Variants in KCND2 observed in about 807,000 individuals in gnomAD.
The protein encoded by KCND2 is A-type voltage-gated potassium channel KCND2.
A neutral mutation model predicts 54.4 loss-of-function variants in KCND2; 16 were observed. That is an observed-to-expected ratio of 0.29 (90% CI 0.20 to 0.45). The LOEUF (loss-of-function observed/expected upper bound fraction) is 0.45, where lower values mean the gene tolerates loss of function less well. Ranked by LOEUF, KCND2 falls within the 20% of genes least tolerant of loss-of-function variation. KCND2 has a pLI of 1.00. For missense variants in KCND2, 486 were observed against 824.2 expected (o/e 0.59, Z 5.02); for synonymous variants, 317 against 310.7 (o/e 1.02, Z -0.21).
intron 1 of KCND2, among the ~76,000 whole-genome samples, chr7:120,518,985 C>G (rs1411585322): frequency 1.3e-5 from 2 of 151,984 alleles, no homozygotes; most frequent in African/African-American, 4.8e-5. Context: ...ATACGGAGGC[C>G]TAGACATGTT....
intron 1 of KCND2, among the ~76,000 whole-genome samples, chr7:120,439,219 G>T (rs956246756): frequency 2.0e-5 from 3 of 151,682 alleles, no homozygotes; most frequent in African/African-American, 7.3e-5. Flanking sequence ...AATTTTTTTA[G>T]GCTCTAGAGC....
chr7:120,449,541 A>C (rs1460502112), intron 1 of KCND2, among the ~76,000 whole-genome samples: 2 of 152,190 alleles, frequency 1.3e-5, no homozygotes, highest in Non-Finnish European at 2.9e-5. Flanking sequence ...GTTTATTAGG[A>C]GAGAAACATT....
intron 1 of KCND2, among the ~76,000 whole-genome samples, chr7:120,641,065 G>T (rs1182860699): frequency 6.6e-6 from 1 of 152,210 alleles, no homozygotes; most frequent in Non-Finnish European, 1.5e-5. Flanking sequence ...GAAGACGAGA[G>T]AGAGCTGAGG....
chr7:120,386,392 C>A (rs1800988248), intron 1 of KCND2, among the ~76,000 whole-genome samples: 1 of 152,054 alleles, frequency 6.6e-6, no homozygotes, highest in Admixed American at 6.6e-5. Context: ...GCCTCTTCCC[C>A]CTCAATGGTG....
chr7:120,535,066 A>T (rs1362952250), intron 1 of KCND2, among the ~76,000 whole-genome samples: 1 of 152,268 alleles, frequency 6.6e-6, no homozygotes, highest in African/African-American at 2.4e-5. Context: ...AATAAGAGGG[A>T]AAGTGGATGA....
In KCND2 at chr7:120,742,616, A is replaced by ACGG; in HGVS notation, c.1467+14_1467+15insCGG. On this transcript the variant is annotated intron_variant, in intron 4 of 5. Transcript: ENST00000331113. ...GAAAAAACCACGGTAAGGAGACAGCATGACTGCCTTCCCTTGCTCTCTGAC... is the reference window on the plus strand; with the variant it reads ...GAAAAAACCACGGTAAGGAGACAGCACGGTGACTGCCTTCCCTTGCTCTCTGAC... The ACGG allele has an allele frequency of 1.3e-6, 2 of 1,594,160 alleles. No homozygotes were observed. Among genetic ancestry groups the ACGG allele is most frequent in the East Asian group, 4.5e-5 (2 of 44,710 alleles).
At chr7:120,554,186 G>C (rs973624416) in intron 1 of KCND2, among the ~76,000 whole-genome samples, 1 of 152,136 alleles carries the variant, frequency 6.6e-6, no homozygotes, top group African/African-American at 2.4e-5. Flanking sequence ...AACTCACATA[G>C]TAGTTAAGAA....
intron 1 of KCND2, among the ~76,000 whole-genome samples, chr7:120,310,214 T>C (rs1420273994): frequency 6.6e-6 from 1 of 152,166 alleles, no homozygotes; most frequent in Admixed American, 6.5e-5. Context: ...TTTAAAAATA[T>C]GTAAATAAAG....
At chr7:120,469,735 C>T (rs1277872044) in intron 1 of KCND2, among the ~76,000 whole-genome samples, 1 of 152,094 alleles carries the variant, frequency 6.6e-6, no homozygotes, top group Non-Finnish European at 1.5e-5. Flanking sequence ...CCCATCTTCC[C>T]TGTTAGACCA....
chr7:120,281,417 G>A (rs144414886), intron 1 of KCND2, among the ~76,000 whole-genome samples: 1,170 of 79,036 alleles, frequency 0.015, 20 homozygotes, highest in African/African-American at 0.042. Flanking sequence ...GTGGGATAGC[G>A]TCTGATATTG....
intron 1 of KCND2, among the ~76,000 whole-genome samples, chr7:120,325,433 T>G (rs1440898541): frequency 1.3e-4 from 20 of 150,958 alleles, no homozygotes; most frequent in Admixed American, 2.0e-4. Flanking sequence ...TATTGGCTGT[T>G]GGTTTGTCAT....
intron 2 of KCND2, among the ~76,000 whole-genome samples, chr7:120,733,858 A>G (rs79515707): frequency 0.039 from 5,998 of 152,242 alleles, 153 homozygotes; most frequent in Non-Finnish European, 0.048. Context: ...ATATACAAGT[A>G]TATGTAAATT....
At chr7:120,553,634 T>G (rs1792127798) in intron 1 of KCND2, among the ~76,000 whole-genome samples, 1 of 152,234 alleles carries the variant, frequency 6.6e-6, no homozygotes, top group Non-Finnish European at 1.5e-5. Flanking sequence ...TGATAAATTA[T>G]CATCTCCATC....
chr7:120,712,130 CTT>C (rs11296028), intron 1 of KCND2, among the ~76,000 whole-genome samples: 83 of 120,276 alleles, frequency 6.9e-4, no homozygotes, highest in African/African-American at 2.1e-3. Flanking sequence ...AATAAGAAAG[CTT>C]TTTTTTTTTT....
At chr7:120,399,524 G>T (rs1236196585) in intron 1 of KCND2, among the ~76,000 whole-genome samples, 1 of 151,816 alleles carries the variant, frequency 6.6e-6, no homozygotes, top group Non-Finnish European at 1.5e-5. Context: ...ATAGTATTGT[G>T]ATCATTGTAT....
At chr7:120,664,610 A>G (rs1057180066) in intron 1 of KCND2, among the ~76,000 whole-genome samples, 2 of 152,062 alleles carry the variant, frequency 1.3e-5, no homozygotes, top group African/African-American at 4.8e-5. Flanking sequence ...AGAGCTCCCA[A>G]TATTTTGAGA....
chr7:120,654,424 A>G (rs569096720), intron 1 of KCND2, among the ~76,000 whole-genome samples: 11 of 152,326 alleles, frequency 7.2e-5, no homozygotes, highest in African/African-American at 2.4e-4. Flanking sequence ...AGAAACATCA[A>G]TCACAATTAA....
rs553678200 is a variant in KCND2 at position 120,375,311 on chromosome 7, G to A, written c.1115+99564G>A. On this transcript the variant is annotated intron_variant, in intron 1 of 5. Transcript: ENST00000331113. Reference sequence around the variant, plus strand: ...ATTAAAAATATCAGCGTATTAAAAAGTTATTCACCAAGAACTTCCATCCAT... The same window carrying A: ...ATTAAAAATATCAGCGTATTAAAAAATTATTCACCAAGAACTTCCATCCAT... Among the ~76,000 whole-genome samples the A allele has an allele frequency of 7.9e-5, 12 of 151,848 alleles. No individual in the cohort carries two copies. In the East Asian group the frequency reaches 1.7e-3, roughly 22 times the overall value.
At chr7:120,350,439 G>A (rs2116382107) in intron 1 of KCND2, among the ~76,000 whole-genome samples, 1 of 152,222 alleles carries the variant, frequency 6.6e-6, no homozygotes, top group East Asian at 1.9e-4. Context: ...TGTTGGACAA[G>A]TTAATGTTAC....
Sources: gnomAD v4.1 joint callset for allele counts (sites outside exome capture counted in the v4.1 genomes callset) on GRCh38, gnomAD v4.1.1 for gene constraint, MANE v1.5 for transcripts, NCBI Gene and HGNC (gene_info 2026-07-23, HGNC 2026-07-21) for gene names.